The following ZNF483 variants were observed in gnomAD, a reference collection of about 807,000 sequenced individuals.
ZNF483 encodes the protein zinc finger protein 483.
A neutral mutation model predicts 28.6 loss-of-function variants in ZNF483; 9 were observed. The ratio of observed to expected loss-of-function variants is 0.32; its 90% CI spans 0.19 to 0.55. The LOEUF is 0.55. ZNF483 is among the 20% of genes least tolerant of loss of function. The pLI, the probability that ZNF483 is intolerant of heterozygous loss-of-function variation, is 0.93. For synonymous variants in ZNF483, 322 were observed against 306.2 expected (o/e 1.05, Z -0.54); for missense variants, 675 against 871.7 (o/e 0.77, Z 2.84).
chr9:111,568,978 C>G (rs1828694168), intron 5 of ZNF483, among the ~76,000 whole-genome samples: 1 of 152,150 alleles, frequency 6.6e-6, no homozygotes, highest in Non-Finnish European at 1.5e-5. Context: ...AGAAAGACAT[C>G]AAAGATGACC....
intron 5 of ZNF483, among the ~76,000 whole-genome samples, chr9:111,539,056 T>G (rs111617752): frequency 0.031 from 4,228 of 134,588 alleles, 88 homozygotes; most frequent in Admixed American, 0.052. Flanking sequence ...GAGCTTGCAG[T>G]GAGCTGAGAT....
chr9:111,543,965 T>C lies in ZNF483; in HGVS notation c.*795T>C. The C allele has an allele frequency of 1.0e-6, 1 of 985,350 alleles. No homozygotes were observed. Among genetic ancestry groups the C allele is most frequent in the Non-Finnish European group, 1.2e-6 (1 of 829,930 alleles). The allele number at this position is 985,350 out of a possible 1,614,324, so 61.0% of individuals were successfully genotyped here. A position where few individuals can be genotyped will look rare whatever the true frequency, so the allele number is the denominator to read the frequency against. On this transcript the variant is annotated 3_prime_UTR_variant, in exon 6 of 6. Coordinates refer to ENST00000309235, the MANE Select transcript of ZNF483 (RefSeq NM_133464.5). Reference sequence around the variant, plus strand: ...GCTTAGTGAGAATGCAGTATACTTTTTGAAAACTTCGTGCAGGAATCCCTC... The same window carrying C: ...GCTTAGTGAGAATGCAGTATACTTTCTGAAAACTTCGTGCAGGAATCCCTC...
At chr9:111,560,403 G>A (rs1828238758), downstream of ZNF483, among the ~76,000 whole-genome samples, 2 of 151,026 alleles carry the variant, frequency 1.3e-5, no homozygotes, top group South Asian at 4.2e-4. Context: ...GAACCCTGGA[G>A]GCGGAGGTTG....
At chr9:111,529,944 T>C (rs1421292093) in intron 2 of ZNF483, among the ~76,000 whole-genome samples, 1 of 152,238 alleles carries the variant, frequency 6.6e-6, no homozygotes. Flanking sequence ...GCTCCTGAGC[T>C]ATAAAGGAGA....
At position 111,546,703 on chromosome 9, in the gene ZNF483, A is replaced by G. The variant is rs73656262; in HGVS notation, c.*3533A>G. Among the ~76,000 whole-genome samples the G allele has an allele frequency of 5.7e-3, 872 of 152,344 alleles. 6 individuals are homozygous for G. Among genetic ancestry groups the G allele is most frequent in the African/African-American group, 0.02 (844 of 41,584 alleles). On this transcript the variant is annotated 3_prime_UTR_variant, in exon 6 of 6. Transcript: ENST00000309235. ...AGATACATATAGCTTAAAATGAACC[A>G]TTTAAACACTTTTTGGTTATACAGC...
In ZNF483 at chr9:111,544,342, GTGTGCA is replaced by G. The variant is rs1372639148; in HGVS notation, c.*1177_*1182del. On this transcript the variant is annotated 3_prime_UTR_variant, in exon 6 of 6. Transcript: ENST00000309235. ...CTGTTATAACAATTTGCTTGGGTGTGTGTGCATGTGTGTGTGTGTGTGTGTGTGTGT... is the reference window on the plus strand; with the variant it reads ...CTGTTATAACAATTTGCTTGGGTGTGTGTGTGTGTGTGTGTGTGTGTGTGT... 6 of 960,982 alleles carry G rather than the reference GTGTGCA, an allele frequency of 6.2e-6. No individual in the cohort carries two copies. Among genetic ancestry groups the G allele is most frequent in the Non-Finnish European group, 7.3e-6 (6 of 824,080 alleles). The allele number at this position is 960,982 out of a possible 1,614,324, so 59.5% of individuals were successfully genotyped here. A position where few individuals can be genotyped will look rare whatever the true frequency, so the allele number is the denominator to read the frequency against.
chr9:111,561,110 T>TATAGAGAGAGAGAGAGAG (rs1457364862), intron 5 of ZNF483, among the ~76,000 whole-genome samples: 1 of 19,192 alleles, frequency 5.2e-5, no homozygotes, highest in African/African-American at 3.9e-4. Context: ...TATATATATA[T>TATAGAGAGAGAGAGAGAG]AGAGAGAGAG....
At chr9:111,568,798 T>C (rs1828686428) in intron 5 of ZNF483, among the ~76,000 whole-genome samples, 1 of 152,202 alleles carries the variant, frequency 6.6e-6, no homozygotes, top group African/African-American at 2.4e-5. Flanking sequence ...AAAGAACCTA[T>C]GTTGAAATAT....
chr9:111,542,666 A>G lies in ZNF483; in HGVS notation c.1731A>G (p.Lys577=), dbSNP rs769942960. 6.2e-7 allele frequency: 1 copy of G among 1,614,078 alleles called. No homozygotes were observed. The change falls in exon 6 of 6, where the codon AAA becomes AAG. Residue 577 remains lysine (K), a synonymous_variant. Coordinates refer to ENST00000309235, the MANE Select transcript of ZNF483 (RefSeq NM_133464.5). The surrounding 1 kb of genome is among the most constrained non-coding windows in gnomAD (Gnocchi z 6.2). ...ATCAGAGAATTCATACTGGAGAGAA[A>G]CCCTATAAATGTGGCGAATGTGGAA... ...SKHQRIHTGE[K]PYKCGECGKA... is the part of the protein sequence containing the mutation.
Position 111,542,487 on chromosome 9 carries a change from A to T in ZNF483, c.1552A>T (p.Thr518Ser). The T allele has an allele frequency of 1.2e-6, 2 of 1,614,182 alleles. No individual in the cohort carries two copies. Among genetic ancestry groups the T allele is most frequent in the Non-Finnish European group, 1.7e-6 (2 of 1,180,030 alleles). Residue 518 changes from threonine to serine, a missense_variant, in exon 6 of 6, where the codon ACT becomes TCT. Thr to Ser is a moderately conservative substitution (Grantham distance 58). Coordinates refer to ENST00000309235, the MANE Select transcript of ZNF483 (RefSeq NM_133464.5). The surrounding 1 kb of genome is among the most constrained non-coding windows in gnomAD (Gnocchi z 6.2). ...CCTCATTAAACATCAGAGAATTCAT[A>T]CTGGAGAAAAACCTTATAAATGTAA... The part of the protein sequence containing the change: ...AHLIKHQRIH[T>S]GEKPYKCKDC...
rs1009792248 is a variant in ZNF483 at position 111,552,233 on chromosome 9, T to C, written c.*9063T>C. On this transcript the variant is annotated 3_prime_UTR_variant, in exon 6 of 6. Coordinates refer to ENST00000309235, the MANE Select transcript of ZNF483 (RefSeq NM_133464.5). ...ACAGGAAATCCTTATAAAATTCTTT[T>C]GTAAGTCATCCAGGTAACATTGGTA... is the stretch of plus-strand genomic sequence containing the variant. Among the ~76,000 whole-genome samples the C allele has an allele frequency of 2.6e-5, 4 of 152,238 alleles. No individual in the cohort carries two copies. The highest frequency in any genetic ancestry group is 9.6e-5 in the African/African-American group (4 of 41,456).
rs1828019587 is a variant in ZNF483, at chr9:111,553,114, C to T, written c.*9944C>T. ...TTTGTGTATTCTTTTTTGACTTACA[C>T]TCACTAAATGGTTGCTAAAAATTAC... On this transcript the variant is annotated 3_prime_UTR_variant, in exon 6 of 6. Coordinates refer to ENST00000309235, the MANE Select transcript of ZNF483 (RefSeq NM_133464.5). Among the ~76,000 whole-genome samples the T allele has an allele frequency of 2.0e-5, 3 of 152,152 alleles. No homozygotes were observed. In the South Asian group the frequency reaches 6.2e-4, roughly 32 times the overall value.
At chr9:111,557,031 A>T (rs866481613), downstream of ZNF483, among the ~76,000 whole-genome samples, 9 of 152,174 alleles carry the variant, frequency 5.9e-5, no homozygotes, top group Non-Finnish European at 4.4e-5. Context: ...CAGGCCTTTG[A>T]TGGAAAGGGC....
chr9:111,542,582 A>G lies in ZNF483; in HGVS notation c.1647A>G (p.Lys549=). The G allele has an allele frequency of 6.2e-7, 1 of 1,614,084 alleles. No homozygotes were observed. Among genetic ancestry groups the G allele is most frequent in the Non-Finnish European group, 8.5e-7 (1 of 1,180,000 alleles). ...ATCAGCGAATTCATACTGGAGAAAA[A>G]CCCTATACATGTAGCAATTGTGGAA... is the stretch of plus-strand genomic sequence containing the variant. ...IQHQRIHTGE[K]PYTCSNCGKS... The change falls in exon 6 of 6, where the codon AAA becomes AAG. Residue 549 remains lysine (K), a synonymous_variant. Transcript: ENST00000309235. The surrounding 1 kb of genome is among the most constrained non-coding windows in gnomAD (Gnocchi z 6.2).
chr9:111,542,239 G>C lies in ZNF483; in HGVS notation c.1304G>C (p.Gly435Ala), dbSNP rs1827691427. The change falls in exon 6 of 6, where the codon GGA (glycine) becomes GCA (alanine). Residue 435 changes from glycine to alanine, a missense_variant. Coordinates refer to ENST00000309235, the MANE Select transcript of ZNF483 (RefSeq NM_133464.5). The surrounding 1 kb of genome is among the most constrained non-coding windows in gnomAD (Gnocchi z 6.2). ...ALNKDEGNES[G>A]EKTHKCSKCG... The stretch of plus-strand genomic sequence containing the variant: ...AATAAAGATGAGGGAAATGAGAGTG[G>C]AGAAAAAACTCATAAATGTAGTAAG... The C allele has an allele frequency of 1.9e-6, 3 of 1,613,932 alleles. No individual in the cohort carries two copies. In the Admixed American group the frequency reaches 5.0e-5, roughly 27 times the overall value.
chr9:111,525,811 A>G (rs762316404), intron 1 of ZNF483, among the ~76,000 whole-genome samples: 2 of 152,048 alleles, frequency 1.3e-5, no homozygotes, highest in Non-Finnish European at 2.9e-5. Context: ...GTGGGCGCCT[A>G]ATATTTGGCA....
At chr9:111,578,051 T>C (rs904526700), downstream of ZNF483, among the ~76,000 whole-genome samples, 2 of 152,050 alleles carry the variant, frequency 1.3e-5, no homozygotes. Context: ...TTTGCCAATA[T>C]AGTAAAAAAC....
rs995723002 is a variant in ZNF483 at position 111,549,985 on chromosome 9, T to C, written c.*6815T>C. On this transcript the variant is annotated 3_prime_UTR_variant, in exon 6 of 6. Transcript: ENST00000309235. ...ATTGTTTTTGTTGACAGCTAGACATTTGAATTTTATAATGTGGCAACTCTG... is the reference window on the plus strand; with the variant it reads ...ATTGTTTTTGTTGACAGCTAGACATCTGAATTTTATAATGTGGCAACTCTG... Among the ~76,000 whole-genome samples the C allele has an allele frequency of 3.3e-5, 5 of 152,218 alleles. No homozygotes were observed. The highest frequency in any genetic ancestry group is 1.2e-4 in the African/African-American group (5 of 41,466).
chr9:111,533,624 G>A (rs1827403071), intron 3 of ZNF483, 115 bp from the exon 4 acceptor site: 2 of 1,049,292 alleles, frequency 1.9e-6, no homozygotes, highest in Non-Finnish European at 2.6e-6. Flanking sequence ...GAACCATGAA[G>A]CACCACTGCA....
Sources: gnomAD v4.1 joint callset for allele counts (sites outside exome capture counted in the v4.1 genomes callset) on GRCh38, gnomAD v4.1.1 for gene constraint, Gnocchi (gnomAD v3.1) non-coding constraint, MANE v1.5 for transcripts, NCBI Gene and HGNC (gene_info 2026-07-23, HGNC 2026-07-21) for gene names.